The following MECOM variants were observed in gnomAD, a reference collection of about 807,000 sequenced individuals.
MECOM encodes histone-lysine N-methyltransferase MECOM.
MECOM carries 13 observed loss-of-function variants against 116.3 expected under a neutral mutation model. That is an observed-to-expected ratio of 0.11 (90% confidence interval 0.07 to 0.18). The LOEUF is 0.18. Ranked by LOEUF, MECOM falls within the 10% of genes least tolerant of loss-of-function variation. The probability of loss-of-function intolerance (pLI) is 1.00; values close to 1 mark genes in which losing one functional copy is unlikely to be tolerated. For missense variants in MECOM, 1,299 were observed against 1,509.0 expected (o/e 0.86, Z 2.31); for synonymous variants, 528 against 535.2 (o/e 0.99, Z 0.19).
chr3:169,405,321 G>T (rs555203667), intron 1 of MECOM, among the ~76,000 whole-genome samples: 2,059 of 151,970 alleles, frequency 0.014, 21 homozygotes, highest in Middle Eastern at 0.045. Context: ...ATAAGATAAA[G>T]GCACAATTAT....
At chr3:169,374,839 C>G (rs910550057) in intron 2 of MECOM, among the ~76,000 whole-genome samples, 17 of 151,804 alleles carry the variant, frequency 1.1e-4, no homozygotes, top group Admixed American at 3.9e-4. Flanking sequence ...TTGAGACCAG[C>G]CTGGGCAACA....
At chr3:169,378,386 C>CAAGAAAGAAAGA (rs1195791276) in intron 2 of MECOM, among the ~76,000 whole-genome samples, 1,684 of 59,230 alleles carry the variant, frequency 0.028, 453 homozygotes, top group Non-Finnish European at 0.041. Context: ...GGAAGGAAGA[C>CAAGAAAGAAAGA]AAGAAAGAAA....
At chr3:169,532,975 T>C (rs760687106) in intron 1 of MECOM, among the ~76,000 whole-genome samples, 27 of 152,182 alleles carry the variant, frequency 1.8e-4, no homozygotes, top group Non-Finnish European at 8.8e-5. Context: ...CAGTATATCC[T>C]CTTTTGTTTC....
At chr3:169,444,689 C>T (rs374247801) in intron 1 of MECOM, among the ~76,000 whole-genome samples, 175 of 152,122 alleles carry the variant, frequency 1.2e-3, no homozygotes, top group Admixed American at 3.7e-3. Context: ...AAAAGATACC[C>T]GATGACTTTG....
chr3:169,193,636 A>G (rs1472932532), intron 2 of MECOM, among the ~76,000 whole-genome samples: 1 of 151,976 alleles, frequency 6.6e-6, no homozygotes, highest in Non-Finnish European at 1.5e-5. Flanking sequence ...ATTTTCATGG[A>G]AAAACATTTA....
At chr3:169,281,223 A>C (rs1711915710) in intron 2 of MECOM, among the ~76,000 whole-genome samples, 1 of 152,178 alleles carries the variant, frequency 6.6e-6, no homozygotes, top group Non-Finnish European at 1.5e-5. Context: ...TTAATCAAGG[A>C]CCTCAGGTAA....
chr3:169,140,388 G>C (rs780233680), intron 3 of MECOM, among the ~76,000 whole-genome samples: 11 of 152,050 alleles, frequency 7.2e-5, no homozygotes, highest in Non-Finnish European at 1.2e-4. Context: ...TTTATGACTT[G>C]AGTGTGACTG....
At chr3:169,145,143 AACACACACACACAC>A (rs67598122) in intron 2 of MECOM, 7,910 of 513,062 alleles carry the variant, frequency 0.015, 110 homozygotes, top group Middle Eastern at 0.041. Flanking sequence ...GATATTATTA[AACACACACACACAC>A]ACACACACAC....
At chr3:169,662,968 G>A (rs1444885952) in intron 1 of MECOM, among the ~76,000 whole-genome samples, 5 of 151,128 alleles carry the variant, frequency 3.3e-5, no homozygotes, top group Middle Eastern at 3.5e-3. Context: ...GGAGGGGAGG[G>A]GGAGACTTTC....
At chr3:169,258,792 C>T (rs373891097) in intron 2 of MECOM, among the ~76,000 whole-genome samples, 1 of 152,212 alleles carries the variant, frequency 6.6e-6, no homozygotes, top group Non-Finnish European at 1.5e-5. Flanking sequence ...CTCCACTGCC[C>T]TAACACCCAT....
At chr3:169,180,148 T>C (rs1010576041) in intron 2 of MECOM, among the ~76,000 whole-genome samples, 6 of 152,232 alleles carry the variant, frequency 3.9e-5, no homozygotes, top group African/African-American at 1.4e-4. Flanking sequence ...TTCCTCTCTT[T>C]CCTATCTATA....
intron 1 of MECOM, among the ~76,000 whole-genome samples, chr3:169,497,840 T>C (rs1754022967): frequency 6.6e-6 from 1 of 152,242 alleles, no homozygotes; most frequent in Admixed American, 6.5e-5. Context: ...ATTCCATATG[T>C]AGGCTTTAGC....
intron 2 of MECOM, among the ~76,000 whole-genome samples, chr3:169,212,668 A>G (rs1193987376): frequency 8.5e-6 from 1 of 117,262 alleles, no homozygotes; most frequent in Non-Finnish European, 1.8e-5. Flanking sequence ...ATATATATAT[A>G]TATATATATA....
chr3:169,378,365 G>A (rs1385484646), intron 2 of MECOM, among the ~76,000 whole-genome samples: 3 of 139,234 alleles, frequency 2.2e-5, no homozygotes, highest in Admixed American at 7.4e-5. Context: ...AAGGAAGAAG[G>A]AAGGAAGCAA....
chr3:169,380,393 G>GTATA (rs10667759), intron 2 of MECOM, among the ~76,000 whole-genome samples: 1 of 151,758 alleles, frequency 6.6e-6, no homozygotes, highest in Non-Finnish European at 1.5e-5. Context: ...TAAATGGAAA[G>GTATA]TATATATATC....
At chr3:169,140,016 C>T (rs1560256908) in intron 3 of MECOM, among the ~76,000 whole-genome samples, 1 of 150,804 alleles carries the variant, frequency 6.6e-6, no homozygotes, top group Non-Finnish European at 1.5e-5. Context: ...ACATTAAACA[C>T]ATAGGTGCTT....
chr3:169,554,922 A>G (rs1761855591), intron 1 of MECOM, among the ~76,000 whole-genome samples: 1 of 152,248 alleles, frequency 6.6e-6, no homozygotes, highest in Non-Finnish European at 1.5e-5. Flanking sequence ...GGTTGACTCC[A>G]GTGCCCTTGA....
chr3:169,248,246 C>T (rs1287248530), intron 2 of MECOM, among the ~76,000 whole-genome samples: 2 of 152,126 alleles, frequency 1.3e-5, no homozygotes, highest in South Asian at 2.1e-4. Context: ...TAATGTGTAG[C>T]TAGAATTGAA....
chr3:169,519,638 G>A (rs1757117797), intron 1 of MECOM, among the ~76,000 whole-genome samples: 1 of 152,236 alleles, frequency 6.6e-6, no homozygotes, highest in African/African-American at 2.4e-5. Flanking sequence ...GAGGAAGGCA[G>A]AACGAGCATG....
Sources: gnomAD v4.1 joint callset for allele counts (sites outside exome capture counted in the v4.1 genomes callset) on GRCh38, gnomAD v4.1.1 for gene constraint, MANE v1.5 for transcripts, NCBI Gene and HGNC (gene_info 2026-07-23, HGNC 2026-07-21) for gene names.